MINAR1: variants seen among roughly 807,000 people sequenced by gnomAD.
The protein encoded by MINAR1 is major intrinsically disordered Notch2-binding receptor 1.
MINAR1 carries 40 observed loss-of-function variants against 65.1 expected under a neutral mutation model. That is an observed-to-expected ratio of 0.61 (90% CI 0.48 to 0.80). The LOEUF is 0.80. Ranked by LOEUF, MINAR1 falls within the 30% of genes least tolerant of loss-of-function variation. The pLI is 0.00. For synonymous variants in MINAR1, 482 were observed against 449.1 expected, an observed-to-expected ratio of 1.07 and a Z score of -0.93; for missense variants, 1,128 against 1,148.0, an observed-to-expected ratio of 0.98 and a Z score of 0.25.
chr15:79,424,668 G>T, the MINAR1 span: 1 of 152,200 alleles, frequency 6.6e-6, no homozygotes, highest in Non-Finnish European at 1.5e-5. Flanking sequence ...GCTGGGTCTT[G>T]CATTTAGTTG....
intron 2 of MINAR1, among the ~76,000 whole-genome samples, chr15:79,461,376 A>G (rs1895635009): frequency 6.6e-6 from 1 of 152,228 alleles, no homozygotes; most frequent in Non-Finnish European, 1.5e-5. Flanking sequence ...TTTAGCACTG[A>G]GCAGAGTGGT....
At chr15:79,448,483 A>C (rs1025447910) in intron 1 of MINAR1, among the ~76,000 whole-genome samples, 1 of 152,226 alleles carries the variant, frequency 6.6e-6, no homozygotes, top group Non-Finnish European at 1.5e-5. Flanking sequence ...TCACCAAATC[A>C]CAGTAGCAAC....
rs549490138 is a variant in MINAR1 at position 79,465,253 on chromosome 15, A to G, written c.2553+1932A>G. Among the ~76,000 whole-genome samples, 3 of 152,312 alleles carry G rather than the reference A, an allele frequency of 2.0e-5. No homozygotes were observed. The South Asian group carries it at 6.2e-4, about 32-fold the overall frequency. Reference sequence around the variant, plus strand: ...CCTTGAGAGCTTGGTGAAGGCAGTAAGCACAACCTTTTTTCTTTTCATCTC... The same window carrying G: ...CCTTGAGAGCTTGGTGAAGGCAGTAGGCACAACCTTTTTTCTTTTCATCTC... On this transcript the variant is annotated intron_variant, in intron 3 of 3. Transcript: ENST00000305428.
intron 1 of MINAR1, among the ~76,000 whole-genome samples, 158 bp from the exon 2 acceptor site, chr15:79,455,940 G>A (rs184876468): frequency 1.7e-4 from 26 of 152,238 alleles, no homozygotes; most frequent in African/African-American, 4.6e-4. Flanking sequence ...TTACTAAATC[G>A]AATGTTATGA....
intron 1 of MINAR1, among the ~76,000 whole-genome samples, chr15:79,452,338 G>A (rs977481024): frequency 2.0e-5 from 3 of 151,942 alleles, no homozygotes; most frequent in African/African-American, 7.2e-5. Context: ...GGATGAGTGT[G>A]ACTGAAGCTG....
intron 1 of MINAR1, among the ~76,000 whole-genome samples, chr15:79,446,343 CA>C (rs1567052963): frequency 6.6e-6 from 1 of 152,070 alleles, no homozygotes; most frequent in Non-Finnish European, 1.5e-5. Context: ...ATATATTTAT[CA>C]CCTTATTTCC....
chr15:79,457,452 C>G lies in MINAR1; in HGVS notation c.1305C>G (p.Leu435=), dbSNP rs1330712044. ...CTTATGCGGCAAAACAAAATGGGCT[C>G]AAATCTAAAGAGATCTCATCCCCTG... ...PIAYAAKQNG[L]KSKEISSPVD... The change falls in exon 2 of 4, where the codon CTC becomes CTG. Residue 435 remains leucine (L), a synonymous_variant. Transcript: ENST00000305428. The G allele has an allele frequency of 1.2e-6, 2 of 1,614,150 alleles. No homozygotes were observed. Among genetic ancestry groups the G allele is most frequent in the Non-Finnish European group, 1.7e-6 (2 of 1,180,024 alleles).
Position 79,457,748 on chromosome 15 carries a change from C to T in MINAR1, c.1601C>T (p.Thr534Met), listed in dbSNP as rs139452642. The change falls in exon 2 of 4, where the codon ACG becomes ATG. Residue 534 changes from threonine (T) to methionine (M), a missense_variant. Transcript: ENST00000305428. ...GATGACATGAGCATCAGTGGCTCCA[C>T]GGGAGTGATACAGTCGTCCTGCTAC... The part of the protein sequence containing the change: ...FLDDMSISGS[T>M]GVIQSSCYNS... 74 of 1,614,160 alleles carry T rather than the reference C, an allele frequency of 4.6e-5. No individual in the cohort carries two copies. Among genetic ancestry groups the T allele is most frequent in the East Asian group, 2.0e-4 (9 of 44,884 alleles).
chr15:79,442,860 C>G (rs748061128), intron 1 of MINAR1, among the ~76,000 whole-genome samples: 1 of 151,814 alleles, frequency 6.6e-6, no homozygotes, highest in African/African-American at 2.4e-5. Context: ...TGAAATTAAA[C>G]GGATGTTAAA....
chr15:79,434,874 T>C (rs1463578005), intron 1 of MINAR1, among the ~76,000 whole-genome samples: 1 of 146,048 alleles, frequency 6.8e-6, no homozygotes, highest in East Asian at 1.9e-4. Flanking sequence ...TGCATGCTTG[T>C]TTTCACATGT....
At chr15:79,453,585 G>A (rs919681770) in intron 1 of MINAR1, among the ~76,000 whole-genome samples, 1 of 152,050 alleles carries the variant, frequency 6.6e-6, no homozygotes, top group Non-Finnish European at 1.5e-5. Flanking sequence ...CTCTGCTCTT[G>A]CTCTTCTTCC....
rs1365758296 is a variant in MINAR1, at chr15:79,469,916, G to A, written c.*1532G>A. On this transcript the variant is annotated 3_prime_UTR_variant, in exon 4 of 4. Coordinates refer to ENST00000305428, the MANE Select transcript of MINAR1 (RefSeq NM_015206.3). Reference sequence around the variant, plus strand: ...AGCATCTCAATTTTTAAAGCAATAGGAGTCTAGCATCCATTCTGAAAAATC... The same window carrying A: ...AGCATCTCAATTTTTAAAGCAATAGAAGTCTAGCATCCATTCTGAAAAATC... 6.6e-6 allele frequency: 1 copy of A among 152,572 alleles called. No individual in the cohort carries two copies. Among genetic ancestry groups the A allele is most frequent in the Non-Finnish European group, 1.5e-5 (1 of 68,016 alleles). 9.5% of individuals were successfully genotyped at this position (152,572 alleles called of 1,614,324 possible).
rs1203716774 is a variant in MINAR1, at chr15:79,463,089, C to T, written c.2321C>T (p.Pro774Leu). 1.2e-6 allele frequency: 2 copies of T among 1,613,508 alleles called. No homozygotes were observed. The highest frequency in any genetic ancestry group is 2.2e-5 in the East Asian group (1 of 44,874). ...CAGGCAGACAGGCAGTACGACATTCCCCCACAGCACCGACTGCCCAAGCAG... is the reference window on the plus strand; with the variant it reads ...CAGGCAGACAGGCAGTACGACATTCTCCCACAGCACCGACTGCCCAAGCAG... The part of the protein sequence containing the change: ...SKEADRQYDI[P>L]PQHRLPKQPK... The change falls in exon 3 of 4, where the codon CCC becomes CTC. Residue 774 changes from proline (P) to leucine (L), a missense_variant. By Grantham distance (98) the Pro-to-Leu change is moderately conservative (BLOSUM62 -3). Transcript: ENST00000305428.
At chr15:79,452,283 AGT>A (rs1207658551) in intron 1 of MINAR1, among the ~76,000 whole-genome samples, 6 of 151,372 alleles carry the variant, frequency 4.0e-5, no homozygotes, top group Admixed American at 6.6e-5. Context: ...GGTCTGTGTG[AGT>A]GTGAAGCTGG....
At chr15:79,449,517 G>A (rs966895924) in intron 1 of MINAR1, among the ~76,000 whole-genome samples, 1 of 152,142 alleles carries the variant, frequency 6.6e-6, no homozygotes, top group Non-Finnish European at 1.5e-5. Flanking sequence ...CATAACAAAA[G>A]GGCAAAAGGG....
At chr15:79,411,546 G>A in the MINAR1 span, 2 of 699,880 alleles carry the variant, frequency 2.9e-6, no homozygotes, top group African/African-American at 3.5e-5. Flanking sequence ...ATGGAGGGAA[G>A]ACACAGAAGC....
intron 1 of MINAR1, among the ~76,000 whole-genome samples, chr15:79,436,355 G>T (rs1894599469): frequency 6.6e-6 from 1 of 152,172 alleles, no homozygotes; most frequent in African/African-American, 2.4e-5. Context: ...CCACATCGTG[G>T]CATGCGGCTG....
In MINAR1 at chr15:79,463,168, C is replaced by T; in HGVS notation, c.2400C>T (p.Ala800=). The change falls in exon 3 of 4, where the codon GCC becomes GCT. Residue 800 remains alanine, a synonymous_variant. Transcript: ENST00000305428. ...EQVFSPHPYP[A]SLKAHMKSNP... is the part of the protein sequence containing the mutation. ...TGTTCAGCCCTCACCCCTACCCTGCCTCCCTCAAGGCCCACATGAAGAGCA... is the reference window on the plus strand; with the variant it reads ...TGTTCAGCCCTCACCCCTACCCTGCTTCCCTCAAGGCCCACATGAAGAGCA... 2 of 1,614,238 alleles carry T rather than the reference C, an allele frequency of 1.2e-6. No individual in the cohort carries two copies. The highest frequency in any genetic ancestry group is 1.7e-6 in the Non-Finnish European group (2 of 1,180,048).
rs149424074 is a variant in MINAR1 at position 79,456,459 on chromosome 15, G to A, written c.312G>A (p.Lys104=). The part of the protein sequence containing the change: ...IQMNGGAAKE[K]LPTGRQKVRK... ...TGAATGGCGGGGCTGCCAAGGAGAA[G>A]CTGCCCACGGGCCGCCAGAAGGTAC... is the stretch of plus-strand genomic sequence containing the variant. The change falls in exon 2 of 4, where the codon AAG becomes AAA. Residue 104 remains lysine, a synonymous_variant. Transcript: ENST00000305428. 2,565 of 1,614,138 alleles carry A rather than the reference G, an allele frequency of 1.6e-3. 4 individuals carry two copies. The highest frequency in any genetic ancestry group is 2.1e-3 in the Non-Finnish European group (2,486 of 1,180,036).
Sources: allele counts gnomAD v4.1 joint callset (sites outside exome capture counted in the v4.1 genomes callset), GRCh38; gene constraint gnomAD v4.1.1; transcripts MANE v1.5; gene names NCBI Gene and HGNC (gene_info 2026-07-23, HGNC 2026-07-21).